Variants in ACYP2 observed in about 807,000 individuals in gnomAD.
ACYP2 encodes the protein acylphosphatase 2.
A neutral mutation model predicts 11.2 loss-of-function variants in ACYP2; 12 were observed. The observed-to-expected ratio is 1.08, with a 90% CI of 0.69 to 1.74. The LOEUF (loss-of-function observed/expected upper bound fraction) is 1.74. ACYP2 is among the 40% of genes most tolerant of loss of function. The pLI, the probability that ACYP2 is intolerant of heterozygous loss-of-function variation, is 0.00. For synonymous variants in ACYP2, 43 were observed against 32.2 expected, an observed-to-expected ratio of 1.33 and a Z score of -1.13; for missense variants, 134 against 101.9, an observed-to-expected ratio of 1.31 and a Z score of -1.35.
intron 4 of ACYP2, among the ~76,000 whole-genome samples, chr2:54,121,885 G>A (rs138514855): frequency 3.9e-3 from 600 of 152,352 alleles, no homozygotes; most frequent in Middle Eastern, 0.021. Context: ...TACGCCTCTA[G>A]TGGGTCCTTC....
chr2:54,124,755 C>T (rs1680372546), intron 4 of ACYP2, among the ~76,000 whole-genome samples: 1 of 152,110 alleles, frequency 6.6e-6, no homozygotes, highest in Non-Finnish European at 1.5e-5. Context: ...GGCTAGAGTG[C>T]AGCAGTGTGA....
chr2:54,085,469 T>C (rs1048654597), intron 4 of ACYP2, among the ~76,000 whole-genome samples: 1 of 152,238 alleles, frequency 6.6e-6, no homozygotes, highest in Non-Finnish European at 1.5e-5. Flanking sequence ...TTTTTTTAAA[T>C]TCATCTTTCT....
intron 2 of ACYP2, among the ~76,000 whole-genome samples, chr2:54,036,249 C>G (rs1674894875): frequency 6.6e-6 from 1 of 152,140 alleles, no homozygotes. Flanking sequence ...AGTATGCCAC[C>G]ACACCTGGCT....
At chr2:54,080,400 C>T (rs997863040) in intron 4 of ACYP2, 2 of 152,160 alleles carry the variant, frequency 1.3e-5, no homozygotes, top group African/African-American at 4.8e-5. Context: ...CTTCATGAGA[C>T]AATGCTTTTG....
intron 6 of ACYP2, among the ~76,000 whole-genome samples, chr2:54,239,333 C>G (rs1387771430): frequency 6.6e-6 from 1 of 152,124 alleles, no homozygotes. Flanking sequence ...TATAAAGAGA[C>G]CAAGAATGGC....
chr2:54,018,335 C>T (rs918885873), intron 2 of ACYP2, among the ~76,000 whole-genome samples: 26 of 152,116 alleles, frequency 1.7e-4, no homozygotes, highest in African/African-American at 6.0e-4. Flanking sequence ...AGGGACCATA[C>T]TTGAGAGCCG....
intron 2 of ACYP2, among the ~76,000 whole-genome samples, chr2:53,994,199 A>G (rs1405462949): frequency 2.6e-5 from 4 of 151,864 alleles, no homozygotes; most frequent in African/African-American, 9.7e-5. Context: ...GCGTGGTGGC[A>G]GGCGCCTGTA....
intron 2 of ACYP2, among the ~76,000 whole-genome samples, chr2:53,994,329 C>CAAAAAA (rs374302355): frequency 4.7e-5 from 2 of 42,862 alleles, no homozygotes; most frequent in Non-Finnish European, 8.1e-5. Context: ...GACTCCGTCT[C>CAAAAAA]AAAAAAAAAA....
chr2:54,255,072 T>C lies in ACYP2; in HGVS notation c.405-49616T>C, dbSNP rs797016154. 17 of 1,614,162 alleles carry C rather than the reference T, an allele frequency of 1.1e-5. 1 individual carries two copies. The African/African-American group carries it at 1.5e-4, about 14-fold the overall frequency. On this transcript the variant is annotated intron_variant, in intron 6 of 6. Transcript: ENST00000607452. ...TAATCTGAGCAATCCTGTCGGACTC[T>C]GGAAGGCTGTGGTCTGAAAACCAGG...
At chr2:54,267,262 A>G (rs1157641169) in intron 6 of ACYP2, 1 of 1,545,224 alleles carries the variant, frequency 6.5e-7, no homozygotes, top group African/African-American at 1.4e-5. Context: ...ATTATGTCTG[A>G]AAGGAAATTC....
chr2:54,071,394 T>C (rs1348291466), intron 4 of ACYP2, among the ~76,000 whole-genome samples: 1 of 151,994 alleles, frequency 6.6e-6, no homozygotes, highest in Non-Finnish European at 1.5e-5. Context: ...TACAAAGGAA[T>C]CTACAAAAAC....
chr2:54,129,688 T>TTA (rs983458782), intron 4 of ACYP2, among the ~76,000 whole-genome samples: 2 of 149,848 alleles, frequency 1.3e-5, no homozygotes, highest in African/African-American at 4.9e-5. Context: ...TATTCAGTCA[T>TTA]TATATATTAT....
At chr2:54,263,718 A>G (rs140473288) in intron 6 of ACYP2, among the ~76,000 whole-genome samples, 29 of 152,358 alleles carry the variant, frequency 1.9e-4, no homozygotes, top group Non-Finnish European at 2.8e-4. Context: ...AATATAGTGT[A>G]TAACTCTTTG....
intron 4 of ACYP2, among the ~76,000 whole-genome samples, chr2:54,104,834 C>A (rs925745474): frequency 2.0e-5 from 3 of 152,114 alleles, no homozygotes; most frequent in Admixed American, 2.0e-4. Context: ...CCAAGTTCCC[C>A]AAGTGAACAT....
At chr2:54,183,644 TA>T (rs1311406952) in intron 6 of ACYP2, among the ~76,000 whole-genome samples, 1 of 152,188 alleles carries the variant, frequency 6.6e-6, no homozygotes, top group Non-Finnish European at 1.5e-5. Flanking sequence ...CATATTTTCA[TA>T]AAAGTAAATT....
chr2:54,100,663 A>G (rs1216610929), intron 4 of ACYP2, among the ~76,000 whole-genome samples: 2 of 151,960 alleles, frequency 1.3e-5, no homozygotes, highest in Admixed American at 6.6e-5. Flanking sequence ...CCACATTTTA[A>G]CTCGTTTCCT....
At chr2:54,252,817 C>T (rs1032147702) in intron 6 of ACYP2, among the ~76,000 whole-genome samples, 7 of 150,698 alleles carry the variant, frequency 4.6e-5, no homozygotes, top group South Asian at 2.1e-4. Context: ...GGCAGGAGAA[C>T]GGTATGAACC....
chr2:54,036,387 C>T (rs938241841), intron 2 of ACYP2, among the ~76,000 whole-genome samples: 20 of 152,222 alleles, frequency 1.3e-4, no homozygotes, highest in African/African-American at 4.1e-4. Flanking sequence ...AGCCACCGCA[C>T]CCAGCCCAAA....
rs759137726 is a variant in ACYP2 at position 54,266,266 on chromosome 2, C to T, written c.405-38422C>T. Among the ~76,000 whole-genome samples, 112 of 152,282 alleles carry T rather than the reference C, an allele frequency of 7.4e-4. 1 individual carries two copies. The highest frequency in any genetic ancestry group is 3.4e-3 in the Middle Eastern group (1 of 294). ...AATATGAGTAAACAAGATCCACCAACACACTCAATCATTTACCACAACCCA... is the reference window on the plus strand; with the variant it reads ...AATATGAGTAAACAAGATCCACCAATACACTCAATCATTTACCACAACCCA... On this transcript the variant is annotated intron_variant, in intron 6 of 6. Coordinates refer to ENST00000607452, the MANE Select transcript of ACYP2 (RefSeq NM_001320586.2).
Sources: gnomAD v4.1 joint callset for allele counts (sites outside exome capture counted in the v4.1 genomes callset) on GRCh38, gnomAD v4.1.1 for gene constraint, MANE v1.5 for transcripts, NCBI Gene and HGNC (gene_info 2026-07-23, HGNC 2026-07-21) for gene names.